The following CENPM variants were observed in gnomAD, a reference collection of about 807,000 sequenced individuals.
CENPM encodes centromere protein M.
Under a neutral mutation model 19.6 loss-of-function variants are expected in CENPM, and 14 were observed. The ratio of observed to expected loss-of-function variants is 0.71; its 90% confidence interval spans 0.47 to 1.11. The LOEUF is 1.11. Ranked by LOEUF, CENPM falls within the 50% of genes most tolerant of loss-of-function variation. The pLI is 0.00. For synonymous variants in CENPM, 114 were observed against 101.5 expected (o/e 1.12, Z -0.74); for missense variants, 239 against 228.4 (o/e 1.05, Z -0.30).
At chr22:41,946,996 G>T (rs1268881434) in intron 1 of CENPM, 24 bp downstream of exon 1, 2 of 1,611,692 alleles carry the variant, frequency 1.2e-6, no homozygotes, top group Non-Finnish European at 1.7e-6. Flanking sequence ...AACCGGCGGG[G>T]GAAGCAGGGC....
chr22:41,945,160 GCCTACGGCCGC>G (rs756414271), intron 4 of CENPM, 54 bp downstream of exon 4: 2 of 1,610,086 alleles, frequency 1.2e-6, no homozygotes, highest in African/African-American at 2.7e-5. Context: ...TCAGCAAGAA[GCCTACGGCCGC>G]CCCAGCTTTC....
Position 41,947,130 on chromosome 22 carries a change from G to T in CENPM, c.-54C>A, listed in dbSNP as rs1602396233. 8 of 1,575,034 alleles carry T rather than the reference G, an allele frequency of 5.1e-6. No homozygotes were observed. Among genetic ancestry groups the T allele is most frequent in the Middle Eastern group, 1.7e-4 (1 of 6,006 alleles). On this transcript the variant is annotated 5_prime_UTR_variant, in exon 1 of 6. Transcript: ENST00000215980. ...GCGGTGCGCGCCGATCTTTCAAACCGCCCTGAGTCCAGCCCCTAGAGCGCG... is the reference window on the plus strand; with the variant it reads ...GCGGTGCGCGCCGATCTTTCAAACCTCCCTGAGTCCAGCCCCTAGAGCGCG...
chr22:41,946,023 G>A lies in CENPM; in HGVS notation c.138-18C>T, dbSNP rs755766930. 1.2e-6 allele frequency: 2 copies of A among 1,602,004 alleles called. No individual in the cohort carries two copies. The highest frequency in any genetic ancestry group is 3.3e-5 in the Admixed American group (2 of 59,728). On this transcript the variant is annotated intron_variant, in intron 2 of 5. Transcript: ENST00000215980. ...CCAAGTGGCTGAAAAACAGGAAATT[G>A]CAGGACTCAAGATATCCGTACCCCC...
intron 5 of CENPM, among the ~76,000 whole-genome samples, chr22:41,939,559 G>A (rs964066643): frequency 2.0e-5 from 3 of 151,996 alleles, no homozygotes; most frequent in African/African-American, 4.8e-5. Context: ...CAGGCAGCTC[G>A]GGCCCCAGAT....
chr22:41,946,122 AC>A (rs1256188185), intron 2 of CENPM, 117 bp from the exon 3 acceptor site: 1 of 899,482 alleles, frequency 1.1e-6, no homozygotes, highest in Non-Finnish European at 1.8e-6. Context: ...CATCCTAGCC[AC>A]CCGAGGCTCT....
chr22:41,935,314 C>T, downstream of CENPM, among the ~76,000 whole-genome samples: 1 of 152,144 alleles, frequency 6.6e-6, no homozygotes, highest in Non-Finnish European at 1.5e-5. Context: ...GCCTCTCCTC[C>T]TGGTCGCCAG....
At chr22:41,927,790 G>T in the CENPM span, among the ~76,000 whole-genome samples, 7 of 152,168 alleles carry the variant, frequency 4.6e-5, no homozygotes, top group Admixed American at 4.6e-4. Context: ...TGAAGCCACA[G>T]TGCCCAGCCT....
rs781528281 is a variant in CENPM, at chr22:41,944,328, C to A, written c.311-627G>T. 3.0e-5 allele frequency: 5 copies of A among 168,676 alleles called. 1 individual carries two copies. In the East Asian group the frequency reaches 9.9e-4, roughly 33 times the overall value. 10.4% of individuals were successfully genotyped at this position (168,676 alleles called of 1,614,324 possible). On this transcript the variant is annotated intron_variant, in intron 4 of 5. Transcript: ENST00000215980. ...GCGGGTGCCTGTAATCCCAGCTACT[C>A]GGGAGGCTGAGATGGGAGAATTGCT...
chr22:41,927,969 A>G, the CENPM span, among the ~76,000 whole-genome samples: 1 of 152,216 alleles, frequency 6.6e-6, no homozygotes, highest in Non-Finnish European at 1.5e-5. Flanking sequence ...AGTGTTTGCC[A>G]GATGGACTGA....
intron 2 of CENPM, 71 bp from the exon 3 acceptor site, chr22:41,946,076 T>C: frequency 1.5e-6 from 2 of 1,347,686 alleles, no homozygotes; most frequent in Non-Finnish European, 2.1e-6. Context: ...AATGCTGCCC[T>C]TCATGTGGAA....
At chr22:41,942,736 G>A (rs1162595352) in intron 5 of CENPM, among the ~76,000 whole-genome samples, 1 of 146,136 alleles carries the variant, frequency 6.8e-6, no homozygotes, top group African/African-American at 2.6e-5. Flanking sequence ...GGACAACAGA[G>A]CAAGACTCCA....
chr22:41,935,629 C>T (rs1007291559), downstream of CENPM, among the ~76,000 whole-genome samples: 12 of 152,236 alleles, frequency 7.9e-5, no homozygotes, highest in African/African-American at 2.6e-4. Flanking sequence ...ACCAAGTGCC[C>T]GAGGGGCTTT....
At chr22:41,933,153 T>C in the CENPM span, among the ~76,000 whole-genome samples, 5 of 152,194 alleles carry the variant, frequency 3.3e-5, no homozygotes, top group South Asian at 2.1e-4. Flanking sequence ...GAAGGCCCAG[T>C]GACCAGGAAA....
chr22:41,946,973 G>A, intron 1 of CENPM, 47 bp downstream of exon 1: 1 of 1,597,144 alleles, frequency 6.3e-7, no homozygotes, highest in Non-Finnish European at 8.6e-7. Flanking sequence ...CTGAAGCACC[G>A]CCCAGGAGGA....
chr22:41,927,513 CTTTT>C, the CENPM span, among the ~76,000 whole-genome samples: 3 of 129,266 alleles, frequency 2.3e-5, no homozygotes, highest in Non-Finnish European at 4.9e-5. Flanking sequence ...CAGACACCTG[CTTTT>C]TTTTTTTTTT....
intron 5 of CENPM, among the ~76,000 whole-genome samples, chr22:41,941,952 C>T (rs1318822870): frequency 6.6e-6 from 1 of 152,220 alleles, no homozygotes; most frequent in Non-Finnish European, 1.5e-5. Context: ...CTGGCGACAG[C>T]CACAGACTGC....
chr22:41,930,838 C>CTTT, the CENPM span, among the ~76,000 whole-genome samples: 3,160 of 122,506 alleles, frequency 0.026, 165 homozygotes, highest in African/African-American at 0.092. Context: ...TTATTCAAGT[C>CTTT]TTTTTTTTTT....
the CENPM span, among the ~76,000 whole-genome samples, chr22:41,929,703 T>G: frequency 6.6e-6 from 1 of 151,208 alleles, no homozygotes; most frequent in Non-Finnish European, 1.5e-5. Flanking sequence ...GCTCCCTATG[T>G]GCTGGGCCAG....
the CENPM span, among the ~76,000 whole-genome samples, chr22:41,930,679 C>T: frequency 6.6e-6 from 1 of 151,748 alleles, no homozygotes; most frequent in African/African-American, 2.4e-5. Flanking sequence ...CCACCAGGCC[C>T]GGCTAATTTT....
Sources: allele counts gnomAD v4.1 joint callset (sites outside exome capture counted in the v4.1 genomes callset), GRCh38; gene constraint gnomAD v4.1.1; transcripts MANE v1.5; gene names NCBI Gene and HGNC (gene_info 2026-07-23, HGNC 2026-07-21).